GPATCH2: variants seen among roughly 807,000 people sequenced by gnomAD.
GPATCH2 encodes the protein G patch domain-containing protein 2.
GPATCH2 carries 51 observed loss-of-function variants against 58.0 expected under a neutral mutation model. The ratio of observed to expected loss-of-function variants is 0.88; its 90% CI spans 0.70 to 1.11. The LOEUF (loss-of-function observed/expected upper bound fraction) is 1.11, where lower values mean the gene tolerates loss of function less well. GPATCH2 is among the 50% of genes most tolerant of loss of function. GPATCH2 has a pLI of 0.00. For missense variants in GPATCH2, 625 were observed against 652.2 expected, an observed-to-expected ratio of 0.96 and a Z score of 0.45; for synonymous variants, 222 against 218.5, an observed-to-expected ratio of 1.02 and a Z score of -0.14.
intron 5 of GPATCH2, chr1:217,608,690 C>T: frequency 1.0e-6 from 1 of 983,958 alleles, no homozygotes; most frequent in South Asian, 4.7e-5. Context: ...TTTAAAGTGA[C>T]TTATTCAGAT....
chr1:217,602,799 C>G (rs1042907978), intron 5 of GPATCH2, among the ~76,000 whole-genome samples: 1 of 152,114 alleles, frequency 6.6e-6, no homozygotes, highest in African/African-American at 2.4e-5. Flanking sequence ...TGGCACACAT[C>G]TTGATTGTGC....
chr1:217,529,868 T>C (rs1473464483), intron 5 of GPATCH2, among the ~76,000 whole-genome samples: 1 of 152,212 alleles, frequency 6.6e-6, no homozygotes, highest in Non-Finnish European at 1.5e-5. Flanking sequence ...CTTTAGAACA[T>C]ACTCATGAAT....
intron 8 of GPATCH2, among the ~76,000 whole-genome samples, chr1:217,471,300 T>C (rs1248059729): frequency 1.3e-5 from 2 of 152,148 alleles, no homozygotes; most frequent in Non-Finnish European, 2.9e-5. Flanking sequence ...TAAACAAATA[T>C]AGCCCATGTC....
At chr1:217,626,111 A>G (rs945238920) in intron 1 of GPATCH2, among the ~76,000 whole-genome samples, 1 of 152,232 alleles carries the variant, frequency 6.6e-6, no homozygotes, top group African/African-American at 2.4e-5. Context: ...ACTTCTCTAA[A>G]ACATGGATTA....
intron 5 of GPATCH2, among the ~76,000 whole-genome samples, chr1:217,584,353 A>ATT (rs1163167022): frequency 1.1e-5 from 1 of 86,962 alleles, no homozygotes; most frequent in Non-Finnish European, 2.6e-5. Context: ...AAATATATAT[A>ATT]TATATATATA....
chr1:217,578,527 C>T (rs537944621), intron 5 of GPATCH2, among the ~76,000 whole-genome samples: 16 of 152,304 alleles, frequency 1.1e-4, no homozygotes, highest in Non-Finnish European at 2.1e-4. Context: ...GCTGAGAGTA[C>T]AGGCGTCAGC....
intron 8 of GPATCH2, among the ~76,000 whole-genome samples, chr1:217,451,453 A>G (rs1659661265): frequency 2.0e-5 from 3 of 152,140 alleles, no homozygotes; most frequent in Admixed American, 2.0e-4. Context: ...TTAAACCATC[A>G]TTTCAATACT....
intron 9 of GPATCH2, 149 bp from the exon 10 acceptor site, chr1:217,431,514 T>C (rs2102518995): frequency 4.9e-6 from 3 of 615,912 alleles, no homozygotes; most frequent in Non-Finnish European, 5.8e-6. Flanking sequence ...TGGATACTTT[T>C]TGTAGTTGAG....
chr1:217,486,377 C>A (rs2102525299), intron 8 of GPATCH2, among the ~76,000 whole-genome samples: 1 of 152,128 alleles, frequency 6.6e-6, no homozygotes, highest in Non-Finnish European at 1.5e-5. Context: ...TTTGAAAAGG[C>A]TGTTCTTGTC....
rs571548178 is a variant in GPATCH2 at position 217,623,277 on chromosome 1, A to C, written c.57-2778T>G. Among the ~76,000 whole-genome samples the C allele has an allele frequency of 3.2e-4, 49 of 152,306 alleles. 1 individual carries two copies. Among genetic ancestry groups the C allele is most frequent in the African/African-American group, 1.0e-3 (42 of 41,572 alleles). On this transcript the variant is annotated intron_variant, in intron 1 of 9. Transcript: ENST00000366935. ...TAACTCGATGTATGAATATAATATC[A>C]AATTAAAGTCAGTTTAGTTTGGATA...
In GPATCH2 at chr1:217,521,358, C is replaced by A. The variant is rs866832951; in HGVS notation, c.1099-6469G>T. 6.1e-3 allele frequency among the ~76,000 whole-genome samples: 620 copies of A among 101,058 alleles called. 1 individual carries two copies. The highest frequency in any genetic ancestry group is 9.0e-3 in the African/African-American group (207 of 23,128). The allele number at this position is 101,058 out of a possible 152,430, so 66.3% of individuals were successfully genotyped here. A position where few individuals can be genotyped will look rare whatever the true frequency, so the allele number is the denominator to read the frequency against. ...TACTTTTTCCCCTACAGGGAGACTG[C>A]AAAAAAAAAAAAAAAAGATGATATA... On this transcript the variant is annotated intron_variant, in intron 5 of 9. Transcript: ENST00000366935.
chr1:217,592,231 A>T (rs1056714037), intron 5 of GPATCH2, among the ~76,000 whole-genome samples: 1 of 151,942 alleles, frequency 6.6e-6, no homozygotes, highest in African/African-American at 2.4e-5. Flanking sequence ...AACTACATCA[A>T]TTTGCCAATA....
At chr1:217,487,190 C>T (rs1020536066) in intron 8 of GPATCH2, among the ~76,000 whole-genome samples, 26 of 152,154 alleles carry the variant, frequency 1.7e-4, no homozygotes, top group African/African-American at 5.8e-4. Context: ...CCAAGGGCTT[C>T]TTGAAGTTTC....
chr1:217,457,599 G>A (rs1344875579), intron 8 of GPATCH2, among the ~76,000 whole-genome samples: 2 of 152,098 alleles, frequency 1.3e-5, no homozygotes, highest in African/African-American at 4.8e-5. Context: ...TTAGTGTAGG[G>A]TGTCACTAAA....
chr1:217,611,168 G>A (rs1037539527), intron 3 of GPATCH2, 97 bp from the exon 4 acceptor site: 2 of 1,091,018 alleles, frequency 1.8e-6, no homozygotes, highest in African/African-American at 3.1e-5. Flanking sequence ...CAAGATGGCA[G>A]TTAAATTTGA....
chr1:217,510,291 A>G (rs1662781548), intron 6 of GPATCH2, among the ~76,000 whole-genome samples: 2 of 152,070 alleles, frequency 1.3e-5, no homozygotes, highest in African/African-American at 2.4e-5. Context: ...ATAATTTAAA[A>G]TAAAACCATT....
chr1:217,621,491 A>T (rs1404497470), intron 1 of GPATCH2, among the ~76,000 whole-genome samples: 1 of 152,204 alleles, frequency 6.6e-6, no homozygotes, highest in African/African-American at 2.4e-5. Flanking sequence ...GCTTTTATGT[A>T]ACTGGCCTGC....
intron 8 of GPATCH2, among the ~76,000 whole-genome samples, chr1:217,466,988 C>T (rs1449054258): frequency 6.6e-6 from 1 of 152,190 alleles, no homozygotes; most frequent in African/African-American, 2.4e-5. Flanking sequence ...TCCTGGCCAA[C>T]ATGGTGAAAT....
intron 3 of GPATCH2, among the ~76,000 whole-genome samples, chr1:217,612,999 G>C (rs1668704872): frequency 6.6e-6 from 1 of 151,952 alleles, no homozygotes; most frequent in Non-Finnish European, 1.5e-5. Context: ...ACTTATCAAA[G>C]ATTGACAGGC....
Sources: allele counts gnomAD v4.1 joint callset (sites outside exome capture counted in the v4.1 genomes callset), GRCh38; gene constraint gnomAD v4.1.1; transcripts MANE v1.5; gene names NCBI Gene and HGNC (gene_info 2026-07-23, HGNC 2026-07-21).